Variants in SMAP1 observed in about 807,000 individuals in gnomAD.
The protein encoded by SMAP1 is small ArfGAP 1.
In SMAP1, 24 loss-of-function variants were observed where a neutral mutation model predicts 58.5. The observed-to-expected ratio is 0.41, with a 90% CI of 0.30 to 0.58. The LOEUF (loss-of-function observed/expected upper bound fraction) is 0.58. Among genes scored for constraint, SMAP1 ranks in the 20% least tolerant of loss-of-function variants. SMAP1 has a pLI of 0.29. For missense variants in SMAP1, 563 were observed against 566.3 expected, an observed-to-expected ratio of 0.99 and a Z score of 0.06; for synonymous variants, 216 against 196.6, an observed-to-expected ratio of 1.10 and a Z score of -0.82.
chr6:70,692,870 G>A (rs1421242568), intron 1 of SMAP1, among the ~76,000 whole-genome samples: 5 of 152,178 alleles, frequency 3.3e-5, no homozygotes, highest in African/African-American at 7.2e-5. Flanking sequence ...TGCAATCTCC[G>A]CCTCCCAGGT....
chr6:70,750,925 G>A (rs915276822), intron 2 of SMAP1, among the ~76,000 whole-genome samples: 1 of 152,164 alleles, frequency 6.6e-6, no homozygotes, highest in African/African-American at 2.4e-5. Flanking sequence ...AATGGGAAAA[G>A]TCAATAACAG....
chr6:70,793,625 A>G (rs1460403291), intron 5 of SMAP1, among the ~76,000 whole-genome samples: 5 of 149,872 alleles, frequency 3.3e-5, no homozygotes, highest in Non-Finnish European at 4.4e-5. Flanking sequence ...CATGGGAAAG[A>G]AAAGGGGAGG....
At chr6:70,709,081 GTT>G (rs972486393) in intron 1 of SMAP1, among the ~76,000 whole-genome samples, 4 of 110,940 alleles carry the variant, frequency 3.6e-5, no homozygotes, top group African/African-American at 7.2e-5. Flanking sequence ...TTCTAAGGAG[GTT>G]TTTGTGTGTG....
Position 70,858,201 on chromosome 6 carries a change from C to T in SMAP1, c.1241C>T (p.Ala414Val). 6.2e-7 allele frequency: 1 copy of T among 1,613,202 alleles called. No individual in the cohort carries two copies. Among genetic ancestry groups the T allele is most frequent in the African/African-American group, 1.3e-5 (1 of 74,882 alleles). Residue 414 changes from alanine to valine, a missense_variant, in exon 10 of 11, where the codon GCT becomes GTT. Physicochemically the swap from Ala to Val is moderately conservative, Grantham distance 64. Coordinates refer to ENST00000370455, the MANE Select transcript of SMAP1 (RefSeq NM_001044305.3). ...CAGAGTAAGTTTGGCCTGCCGCAAG[C>T]TCAGCAGCCCCAGTGGAGCCTCTCA... ...APQSKFGLPQ[A>V]QQPQWSLSQM... is the part of the protein sequence containing the mutation.
intron 1 of SMAP1, among the ~76,000 whole-genome samples, chr6:70,672,248 T>C (rs181916601): frequency 2.0e-5 from 3 of 152,342 alleles, no homozygotes; most frequent in Non-Finnish European, 2.9e-5. Flanking sequence ...TCTATACTTA[T>C]TTTGGGCTGT....
intron 2 of SMAP1, among the ~76,000 whole-genome samples, chr6:70,740,756 T>C (rs1435795117): frequency 6.6e-6 from 1 of 152,202 alleles, no homozygotes; most frequent in African/African-American, 2.4e-5. Flanking sequence ...TGTGTATTAG[T>C]GTGTTTTCAC....
At chr6:70,711,614 G>A (rs545400193) in intron 1 of SMAP1, among the ~76,000 whole-genome samples, 10 of 149,882 alleles carry the variant, frequency 6.7e-5, no homozygotes, top group Non-Finnish European at 1.3e-4. Flanking sequence ...TGTGACCTCC[G>A]CCTCCCAGGT....
At chr6:70,713,836 G>A (rs1768157115) in intron 1 of SMAP1, among the ~76,000 whole-genome samples, 2 of 152,152 alleles carry the variant, frequency 1.3e-5, no homozygotes, top group Admixed American at 1.3e-4. Flanking sequence ...TGAAAATGGG[G>A]TACTGAAGTC....
intron 1 of SMAP1, among the ~76,000 whole-genome samples, chr6:70,697,903 T>C (rs1445448339): frequency 6.6e-6 from 1 of 152,238 alleles, no homozygotes; most frequent in Non-Finnish European, 1.5e-5. Flanking sequence ...TGGGTTCATC[T>C]CTTGGCCTTT....
chr6:70,746,806 T>A (rs1766061611), intron 2 of SMAP1, among the ~76,000 whole-genome samples: 1 of 151,896 alleles, frequency 6.6e-6, no homozygotes, highest in African/African-American at 2.4e-5. Context: ...TGGTCCTGGA[T>A]TTTTTTTGGT....
chr6:70,700,079 C>T (rs1221786431), intron 1 of SMAP1, among the ~76,000 whole-genome samples: 2 of 151,988 alleles, frequency 1.3e-5, no homozygotes, highest in African/African-American at 4.8e-5. Context: ...GAATGGATTC[C>T]TCGTACCTTC....
In SMAP1 at chr6:70,861,108, T is replaced by C. The variant is rs1234372930; in HGVS notation, c.*774T>C. 1.7e-5 allele frequency: 3 copies of C among 174,398 alleles called. No individual in the cohort carries two copies. The highest frequency in any genetic ancestry group is 3.6e-5 in the Non-Finnish European group (3 of 82,752). The allele number at this position is 174,398 out of a possible 1,614,324, so 10.8% of individuals were successfully genotyped here. On this transcript the variant is annotated 3_prime_UTR_variant, in exon 11 of 11. Transcript: ENST00000370455. The stretch of plus-strand genomic sequence containing the variant: ...GTTTATGACAGTAATTGTGTTTACA[T>C]TTTATGGTGCCTAGTATTGACAAAA...
At chr6:70,742,214 A>G (rs188079150) in intron 2 of SMAP1, among the ~76,000 whole-genome samples, 44 of 152,340 alleles carry the variant, frequency 2.9e-4, no homozygotes, top group African/African-American at 8.9e-4. Context: ...TTTCTTTCCT[A>G]TCGCATCATC....
At chr6:70,773,220 ATGT>A (rs1271103912) in intron 3 of SMAP1, 127 bp from the exon 4 acceptor site, 2 of 582,292 alleles carry the variant, frequency 3.4e-6, no homozygotes, top group Non-Finnish European at 6.1e-6. Flanking sequence ...TGCAGAAATA[ATGT>A]GAAAGAGAGC....
intron 1 of SMAP1, among the ~76,000 whole-genome samples, chr6:70,693,293 A>ATCT (rs1462352137): frequency 8.3e-6 from 1 of 120,052 alleles, no homozygotes; most frequent in Non-Finnish European, 1.7e-5. Context: ...GAAGAATGTC[A>ATCT]TCTTCTTTTT....
intron 1 of SMAP1, among the ~76,000 whole-genome samples, chr6:70,698,460 A>G (rs957929994): frequency 6.6e-6 from 1 of 152,096 alleles, no homozygotes; most frequent in Non-Finnish European, 1.5e-5. Flanking sequence ...CTCTGTTATT[A>G]TCCCTTTGAA....
intron 7 of SMAP1, among the ~76,000 whole-genome samples, chr6:70,850,935 G>A (rs1562202544): frequency 6.6e-6 from 1 of 151,866 alleles, no homozygotes; most frequent in East Asian, 1.9e-4. Context: ...GGTTAGAAAT[G>A]AAAAAAAGTA....
At chr6:70,787,547 T>TG (rs1292758224) in intron 4 of SMAP1, among the ~76,000 whole-genome samples, 2 of 152,020 alleles carry the variant, frequency 1.3e-5, no homozygotes, top group Non-Finnish European at 2.9e-5. Context: ...TGCAATCTAC[T>TG]CATCTGACAA....
intron 1 of SMAP1, among the ~76,000 whole-genome samples, chr6:70,669,605 C>A (rs1012952239): frequency 1.3e-5 from 2 of 152,192 alleles, no homozygotes; most frequent in African/African-American, 4.8e-5. Flanking sequence ...GAGTTCTGCA[C>A]TGTGTTTAGG....
Sources: gnomAD v4.1 joint callset for allele counts (sites outside exome capture counted in the v4.1 genomes callset) on GRCh38, gnomAD v4.1.1 for gene constraint, MANE v1.5 for transcripts, NCBI Gene and HGNC (gene_info 2026-07-23, HGNC 2026-07-21) for gene names.